The following EVC2 variants were observed in gnomAD, a reference collection of about 807,000 sequenced individuals.
EVC2 encodes the protein EvC ciliary complex subunit 2.
In EVC2, 148 loss-of-function variants were observed where a neutral mutation model predicts 149.3. The ratio of observed to expected loss-of-function variants is 0.99; its 90% CI spans 0.87 to 1.14. The LOEUF (loss-of-function observed/expected upper bound fraction) is 1.14, where lower values mean the gene tolerates loss of function less well. Among genes scored for constraint, EVC2 ranks in the 50% most tolerant of loss-of-function variants. The pLI, the probability that EVC2 is intolerant of heterozygous loss-of-function variation, is 0.00. For missense variants in EVC2, 1,854 were observed against 1,627.3 expected (o/e 1.14, Z -2.40); for synonymous variants, 776 against 649.9 (o/e 1.19, Z -2.95).
At chr4:5,605,810 C>G (rs964975089) in intron 16 of EVC2, among the ~76,000 whole-genome samples, 5 of 152,278 alleles carry the variant, frequency 3.3e-5, no homozygotes, top group Middle Eastern at 3.4e-3. Context: ...GTGGACACTG[C>G]ACTGGGGAGG....
chr4:5,540,772 A>G (rs1721497461), downstream of EVC2, among the ~76,000 whole-genome samples: 1 of 152,214 alleles, frequency 6.6e-6, no homozygotes, highest in South Asian at 2.1e-4. Context: ...CATATTTCAA[A>G]GCACACCAAA....
chr4:5,616,813 A>T lies in EVC2; in HGVS notation c.2707-1269T>A, dbSNP rs138512320. On this transcript the variant is annotated intron_variant, in intron 15 of 21. Coordinates refer to ENST00000344408, the MANE Select transcript of EVC2 (RefSeq NM_147127.5). ...TGGAGCGAGCACCTTCGCGAAAAGG[A>T]AGATGACATCTGCCTCCTCTGAGGC... 5.0e-3 allele frequency among the ~76,000 whole-genome samples: 757 copies of T among 152,238 alleles called. 10 individuals carry two copies. The highest frequency in any genetic ancestry group is 0.017 in the African/African-American group (714 of 41,544).
chr4:5,694,043 C>G lies in EVC2; in HGVS notation c.450+292G>C, dbSNP rs6810418. ...GGGCACAGTCATCTTTAATAGCTGG[C>G]AGTCACTCGGTCTGGTTAAAGCACA... is the stretch of plus-strand genomic sequence containing the variant. On this transcript the variant is annotated intron_variant, in intron 3 of 21. Transcript: ENST00000344408. Among the ~76,000 whole-genome samples the G allele has an allele frequency of 0.93, 141,628 of 152,292 alleles. 65,986 individuals are homozygous for G. The highest frequency in any genetic ancestry group is 0.97 in the African/African-American group (40,300 of 41,570).
At chr4:5,639,372 A>T (rs1717141913) in intron 10 of EVC2, among the ~76,000 whole-genome samples, 2 of 152,224 alleles carry the variant, frequency 1.3e-5, no homozygotes, top group South Asian at 4.1e-4. Flanking sequence ...TATTCAGGAA[A>T]AACTCTAGTT....
intron 9 of EVC2, among the ~76,000 whole-genome samples, chr4:5,655,925 A>C (rs1012284336): frequency 6.6e-6 from 1 of 152,130 alleles, no homozygotes; most frequent in Non-Finnish European, 1.5e-5. Context: ...ACAGGTCATG[A>C]AGTGAGATGG....
intron 9 of EVC2, among the ~76,000 whole-genome samples, chr4:5,651,279 G>A (rs953755224): frequency 3.3e-5 from 5 of 152,132 alleles, no homozygotes; most frequent in Admixed American, 1.3e-4. Flanking sequence ...TATGCAGATG[G>A]ATGGATGATA....
intron 17 of EVC2, among the ~76,000 whole-genome samples, chr4:5,580,854 G>A (rs1436483643): frequency 6.6e-6 from 1 of 152,244 alleles, no homozygotes; most frequent in African/African-American, 2.4e-5. Context: ...GCTGGAAGGT[G>A]ACTGGATCAT....
At chr4:5,551,530 G>T (rs990021201) in intron 21 of EVC2, among the ~76,000 whole-genome samples, 1 of 152,146 alleles carries the variant, frequency 6.6e-6, no homozygotes, top group African/African-American at 2.4e-5. Context: ...GCTTGTTTTT[G>T]ATTTTACAGG....
In EVC2 at chr4:5,577,080, G is replaced by A. The variant is rs139046960; in HGVS notation, c.3058-626C>T. ...GCACTGCTCTGTGTACTTTCCATAC[G>A]TGAATCTCACTGAACACTTACAACA... is the stretch of plus-strand genomic sequence containing the variant. On this transcript the variant is annotated intron_variant, in intron 17 of 21. Transcript: ENST00000344408. Among the ~76,000 whole-genome samples, 539 of 152,312 alleles carry A rather than the reference G, an allele frequency of 3.5e-3. 4 individuals carry two copies. Among genetic ancestry groups the A allele is most frequent in the African/African-American group, 0.012 (504 of 41,576 alleles).
At position 5,707,072 on chromosome 4, in the gene EVC2, C is replaced by T. The variant is rs1040804858; in HGVS notation, c.228+1214G>A. ...TGTGCAAAGCAGGTGAGGCCAGGCA[C>T]GCAGGCTCTGAACTCGGGGGCCAGA... is the stretch of plus-strand genomic sequence containing the variant. On this transcript the variant is annotated intron_variant, in intron 1 of 21. Transcript: ENST00000344408. Among the ~76,000 whole-genome samples the T allele has an allele frequency of 3.9e-5, 6 of 152,108 alleles. No homozygotes were observed. In the East Asian group the frequency reaches 5.8e-4, roughly 15 times the overall value.
intron 9 of EVC2, among the ~76,000 whole-genome samples, chr4:5,656,735 A>C (rs1718545579): frequency 6.6e-6 from 1 of 152,176 alleles, no homozygotes; most frequent in Non-Finnish European, 1.5e-5. Context: ...CCCTGCTGAT[A>C]CCTTGATTTC....
chr4:5,647,791 C>T (rs539588312), intron 9 of EVC2, among the ~76,000 whole-genome samples: 96 of 152,328 alleles, frequency 6.3e-4, no homozygotes, highest in Non-Finnish European at 9.7e-4. Flanking sequence ...GGAATTAAGG[C>T]TACTCATCAG....
intron 20 of EVC2, among the ~76,000 whole-genome samples, chr4:5,566,222 GGACA>G (rs1722281330): frequency 6.6e-6 from 1 of 152,214 alleles, no homozygotes. Flanking sequence ...GTGTTGCCCG[GGACA>G]GTGGGAGGTG....
In EVC2 at chr4:5,677,117, T is replaced by C. The variant is rs1577240238; in HGVS notation, c.870+4143A>G. On this transcript the variant is annotated intron_variant, in intron 7 of 21. Transcript: ENST00000344408. The surrounding 1 kb of genome is among the most constrained non-coding windows in gnomAD (Gnocchi z 4.3). ...ATACTGCTGACGACAACAGCTGACATTTATGGAGCCCTCACAGTGCCAGGC... is the reference window on the plus strand; with the variant it reads ...ATACTGCTGACGACAACAGCTGACACTTATGGAGCCCTCACAGTGCCAGGC... Among the ~76,000 whole-genome samples the C allele has an allele frequency of 1.3e-5, 2 of 152,236 alleles. No individual in the cohort carries two copies. Among genetic ancestry groups the C allele is most frequent in the South Asian group, 4.1e-4 (2 of 4,822 alleles).
chr4:5,654,955 G>A (rs1004820117), intron 9 of EVC2, among the ~76,000 whole-genome samples: 3 of 152,300 alleles, frequency 2.0e-5, no homozygotes, highest in East Asian at 1.9e-4. Flanking sequence ...TGGGTATTGA[G>A]AGGCTCCCTG....
At chr4:5,699,785 T>A (rs1469457828) in intron 1 of EVC2, among the ~76,000 whole-genome samples, 1 of 151,762 alleles carries the variant, frequency 6.6e-6, no homozygotes, top group Middle Eastern at 3.2e-3. Context: ...ATCATGCCAC[T>A]GCACTCCAGC....
chr4:5,562,699 C>T lies in EVC2; in HGVS notation c.*149G>A. Reference sequence around the variant, plus strand: ...TCATGAGACAAGATTAAACCGAGTCCCTGCAAGTTGGCATGCGCTACGGGG... The same window carrying T: ...TCATGAGACAAGATTAAACCGAGTCTCTGCAAGTTGGCATGCGCTACGGGG... On this transcript the variant is annotated 3_prime_UTR_variant, in exon 22 of 22. Coordinates refer to ENST00000344408, the MANE Select transcript of EVC2 (RefSeq NM_147127.5). The surrounding 1 kb of genome is among the most constrained non-coding windows in gnomAD (Gnocchi z 4.3). 1 of 1,521,720 alleles carries T rather than the reference C, an allele frequency of 6.6e-7. No individual in the cohort carries two copies. Among genetic ancestry groups the T allele is most frequent in the Admixed American group, 2.1e-5 (1 of 47,752 alleles). 94.3% of individuals were successfully genotyped at this position (1,521,720 alleles called of 1,614,324 possible).
chr4:5,581,464 G>C (rs1463894083), intron 17 of EVC2, among the ~76,000 whole-genome samples: 1 of 152,244 alleles, frequency 6.6e-6, no homozygotes, highest in East Asian at 1.9e-4. Flanking sequence ...CTTTTGCCAT[G>C]CTTTAGCAAA....
In EVC2 at chr4:5,551,556, G is replaced by A. The variant is rs151032714; in HGVS notation, c.3420-8344C>T. Reference sequence around the variant, plus strand: ...ATTTTACAGGCTCATAGGTGGAAGGGACTTGCCTTGTCTTAGATGAGACTT... The same window carrying A: ...ATTTTACAGGCTCATAGGTGGAAGGAACTTGCCTTGTCTTAGATGAGACTT... On this transcript the variant is annotated intron_variant and NMD_transcript_variant, in intron 21 of 22. Transcript: ENST00000475313. Among the ~76,000 whole-genome samples the A allele has an allele frequency of 7.8e-3, 1,188 of 152,292 alleles. 15 individuals carry two copies. The highest frequency in any genetic ancestry group is 0.026 in the African/African-American group (1,094 of 41,558).
Sources: allele counts gnomAD v4.1 joint callset (sites outside exome capture counted in the v4.1 genomes callset), GRCh38; gene constraint gnomAD v4.1.1; non-coding constraint Gnocchi (gnomAD v3.1); transcripts MANE v1.5; gene names NCBI Gene and HGNC (gene_info 2026-07-23, HGNC 2026-07-21).